NOP14: variants seen among roughly 807,000 people sequenced by gnomAD.
NOP14 encodes the protein NOP14 nucleolar protein.
A neutral mutation model predicts 101.6 loss-of-function variants in NOP14; 57 were observed. The ratio of observed to expected loss-of-function variants is 0.56; its 90% CI spans 0.45 to 0.70. The LOEUF is 0.70. Among genes scored for constraint, NOP14 ranks in the 30% least tolerant of loss-of-function variants. The pLI, the probability that NOP14 is intolerant of heterozygous loss-of-function variation, is 0.00. For synonymous variants in NOP14, 428 were observed against 424.0 expected (o/e 1.01, Z -0.12); for missense variants, 1,134 against 1,075.5 (o/e 1.05, Z -0.76).
rs1462642170 is a variant in NOP14 at position 2,961,230 on chromosome 4, A to ACT, written c.195+1894_195+1895insAG. Reference sequence around the variant, plus strand: ...AATATATTAATATATTAATATTGTTAGTATATTAATATATAGTAACTATAT... The same window carrying ACT: ...AATATATTAATATATTAATATTGTTACTGTATATTAATATATAGTAACTATAT... On this transcript the variant is annotated intron_variant, in intron 1 of 17. Coordinates refer to ENST00000416614, the MANE Select transcript of NOP14 (RefSeq NM_001291978.2). 25 of 124,754 alleles carry ACT rather than the reference A, an allele frequency of 2.0e-4. No homozygotes were observed. In the East Asian group the frequency reaches 6.1e-3, roughly 30 times the overall value. The allele number at this position is 124,754 out of a possible 1,614,324, so 7.7% of individuals were successfully genotyped here.
intron 1 of NOP14, among the ~76,000 whole-genome samples, chr4:2,957,998 A>T (rs939928639): frequency 2.6e-5 from 4 of 152,184 alleles, no homozygotes; most frequent in Non-Finnish European, 5.9e-5. Flanking sequence ...AAGGGTAAAA[A>T]AGAACACACT....
intron 1 of NOP14, among the ~76,000 whole-genome samples, chr4:2,959,616 A>T (rs946430669): frequency 6.6e-6 from 1 of 151,934 alleles, no homozygotes; most frequent in Non-Finnish European, 1.5e-5. Flanking sequence ...AACAAAAAAC[A>T]CAAACAAACC....
chr4:2,944,040 A>T, intron 13 of NOP14, 33 bp downstream of exon 13: 1 of 1,563,666 alleles, frequency 6.4e-7, no homozygotes, highest in Non-Finnish European at 8.7e-7. Context: ...AAAGTATAAC[A>T]TATTTGTAGG....
chr4:2,951,974 G>A (rs1482421891), intron 6 of NOP14, among the ~76,000 whole-genome samples: 2 of 152,072 alleles, frequency 1.3e-5, no homozygotes, highest in African/African-American at 4.8e-5. Context: ...GGGCGTGGTG[G>A]CAGGCGCCTG....
chr4:2,957,356 G>A (rs1478875726), intron 2 of NOP14, among the ~76,000 whole-genome samples: 2 of 152,198 alleles, frequency 1.3e-5, no homozygotes, highest in Non-Finnish European at 2.9e-5. Flanking sequence ...CAGCAATGCT[G>A]CTCAGCTGAG....
chr4:2,941,839 G>C, intron 14 of NOP14, 110 bp from the exon 15 acceptor site: 1 of 1,305,930 alleles, frequency 7.7e-7, no homozygotes, highest in Admixed American at 2.2e-5. Flanking sequence ...GAAAACTCCA[G>C]TGTGGCCACC....
rs756206262 is a variant in NOP14 at position 2,954,447 on chromosome 4, T to C, written c.589A>G (p.Ile197Val). Residue 197 changes from isoleucine (I) to valine (V), a missense_variant, in exon 4 of 18, where the codon ATT becomes GTT. Transcript: ENST00000416614. ...ACCTTCTCTTGTTTTGACTTGGCAA[T>C]GAGCTCTTCAATCAGCTCTTTCCGG... ...KSRKELIEEL[I>V]AKSKQEKRER... is the part of the protein sequence containing the mutation. 9 of 1,613,578 alleles carry C rather than the reference T, an allele frequency of 5.6e-6. No individual in the cohort carries two copies. The highest frequency in any genetic ancestry group is 1.1e-5 in the South Asian group (1 of 91,082).
In NOP14 at chr4:2,954,439, C is replaced by T. The variant is rs751940179; in HGVS notation, c.597G>A (p.Lys199=). The part of the protein sequence containing the change: ...RKELIEELIA[K]SKQEKRERQA... ...ACTAACCCACCTTCTCTTGTTTTGA[C>T]TTGGCAATGAGCTCTTCAATCAGCT... is the stretch of plus-strand genomic sequence containing the variant. The change falls in exon 4 of 18, where the codon AAG becomes AAA. Residue 199 remains lysine (K), a synonymous_variant. Coordinates refer to ENST00000416614, the MANE Select transcript of NOP14 (RefSeq NM_001291978.2). 12 of 1,614,128 alleles carry T rather than the reference C, an allele frequency of 7.4e-6. No individual in the cohort carries two copies. The highest frequency in any genetic ancestry group is 9.3e-6 in the Non-Finnish European group (11 of 1,179,996).
intron 10 of NOP14, 88 bp from the exon 11 acceptor site, chr4:2,946,635 C>T: frequency 1.6e-6 from 2 of 1,212,716 alleles, no homozygotes; most frequent in Non-Finnish European, 2.4e-6. Flanking sequence ...TATGCAGTCA[C>T]CTGTTGACTG....
chr4:2,953,405 T>G lies in NOP14; in HGVS notation c.747+106A>C, dbSNP rs1036815244. 2.4e-6 allele frequency: 3 copies of G among 1,266,938 alleles called. No homozygotes were observed. In the African/African-American group the frequency reaches 4.5e-5, roughly 19 times the overall value. The allele number at this position is 1,266,938 out of a possible 1,614,324, so 78.5% of individuals were successfully genotyped here. On this transcript the variant is annotated intron_variant, in intron 5 of 17. Coordinates refer to ENST00000416614, the MANE Select transcript of NOP14 (RefSeq NM_001291978.2). ...ATCAATGTTCAACAGAAACTTGCCC[T>G]AAAGGAGACAGGTAGAAGAGCCGTC...
At position 2,938,565 on chromosome 4, in the gene NOP14, G is replaced by A. The variant is rs1016659885; in HGVS notation, c.*266C>T. On this transcript the variant is annotated 3_prime_UTR_variant, in exon 18 of 18. Transcript: ENST00000416614. ...GCACTGTGGCCGAGGCTGGAGTGCA[G>A]TGGCTCAATCACGGCTCACTGTAAC... is the stretch of plus-strand genomic sequence containing the variant. 9.1e-5 allele frequency: 44 copies of A among 485,172 alleles called. No individual in the cohort carries two copies. The highest frequency in any genetic ancestry group is 2.3e-4 in the African/African-American group (12 of 51,350). The allele number at this position is 485,172 out of a possible 1,614,324, so 30.1% of individuals were successfully genotyped here.
rs768787894 is a variant in NOP14, at chr4:2,938,912, C to A, written c.2493G>T (p.Arg831=). 3.1e-6 allele frequency: 5 copies of A among 1,614,152 alleles called. No individual in the cohort carries two copies. The East Asian group carries it at 8.9e-5, about 29-fold the overall frequency. ...GGCTGTTAAAAAGCTGCTTTACTTT[C>A]CGCTTTCTTTCCGCATCCCTAAAAG... ...EIMERDAERK[R]KVKQLFNSLA... The change falls in exon 18 of 18, where the codon CGG becomes CGT. Residue 831 remains arginine, a synonymous_variant. Transcript: ENST00000416614.
intron 1 of NOP14, among the ~76,000 whole-genome samples, chr4:2,960,823 T>TAATATTAATATATTAATATTACA (rs1560310984): frequency 3.1e-5 from 2 of 64,666 alleles, no homozygotes; most frequent in African/African-American, 8.7e-5. Context: ...ATAATCACAT[T>TAATATTAATATATTAATATTACA]ATCAATATAT....
At position 2,939,542 on chromosome 4, in the gene NOP14, G is replaced by A. The variant is rs776730990; in HGVS notation, c.2303C>T (p.Pro768Leu). ...CAGCACCCACACTTTGACCAGCCGG[G>A]GTGTGAAAAGCTTCAGTGGGACAGG... The part of the protein sequence containing the change: ...SKPVPLKLFT[P>L]RLVKVLEFGR... Residue 768 changes from proline to leucine, a missense_variant, in exon 16 of 18, where the codon CCC becomes CTC. Physicochemically the swap from Pro to Leu is moderately conservative, Grantham distance 98 (BLOSUM62 -3). Coordinates refer to ENST00000416614, the MANE Select transcript of NOP14 (RefSeq NM_001291978.2). The A allele has an allele frequency of 1.1e-5, 17 of 1,613,562 alleles. No individual in the cohort carries two copies. The Admixed American group carries it at 1.8e-4, about 17-fold the overall frequency.
intron 3 of NOP14, among the ~76,000 whole-genome samples, chr4:2,955,174 C>G (rs1243567807): frequency 1.0e-5 from 1 of 99,280 alleles, no homozygotes; most frequent in African/African-American, 4.3e-5. Context: ...GTCACCTGCA[C>G]GCCACGGCGC....
intron 12 of NOP14, 115 bp from the exon 13 acceptor site, chr4:2,944,341 G>A: frequency 1.2e-6 from 1 of 818,138 alleles, no homozygotes. Context: ...AAGTACAGAG[G>A]GAACCCCCGC....
intron 8 of NOP14, among the ~76,000 whole-genome samples, chr4:2,948,852 G>A (rs1714829540): frequency 6.6e-6 from 1 of 152,204 alleles, no homozygotes; most frequent in Non-Finnish European, 1.5e-5. Context: ...AAACCCACCA[G>A]CGTTTGCCCT....
intron 1 of NOP14, among the ~76,000 whole-genome samples, chr4:2,962,380 A>G (rs1306761656): frequency 6.6e-6 from 1 of 152,248 alleles, no homozygotes; most frequent in African/African-American, 2.4e-5. Context: ...CGCAGTAAGG[A>G]TAATATGTGT....
rs370106585 is a variant in NOP14, at chr4:2,942,349, A to T, written c.1894T>A (p.Ser632Thr). 1 of 1,612,852 alleles carries T rather than the reference A, an allele frequency of 6.2e-7. No individual in the cohort carries two copies. Among genetic ancestry groups the T allele is most frequent in the Non-Finnish European group, 8.5e-7 (1 of 1,179,110 alleles). The change falls in exon 14 of 18, where the codon TCC becomes ACC. Residue 632 changes from serine to threonine, a missense_variant and splice_region_variant. Coordinates refer to ENST00000416614, the MANE Select transcript of NOP14 (RefSeq NM_001291978.2). ...IATPNKASQG[S>T]TLVHPFRALG... is the part of the protein sequence containing the mutation. ...GCTCTGAAAGGGTGCACCAGAGTGG[A>T]ACCTGAATTCCAAGTGCGACAGGAC...
Sources: allele counts gnomAD v4.1 joint callset (sites outside exome capture counted in the v4.1 genomes callset), GRCh38; gene constraint gnomAD v4.1.1; transcripts MANE v1.5; gene names NCBI Gene and HGNC (gene_info 2026-07-23, HGNC 2026-07-21).